The following CACNA1E variants were observed in gnomAD, a reference collection of about 807,000 sequenced individuals.
CACNA1E encodes calcium voltage-gated channel subunit alpha1 E.
Under a neutral mutation model 259.2 loss-of-function variants are expected in CACNA1E, and 40 were observed. That is an observed-to-expected ratio of 0.15 (90% confidence interval 0.12 to 0.20). The LOEUF (loss-of-function observed/expected upper bound fraction) is 0.20, where lower values mean the gene tolerates loss of function less well. CACNA1E is among the 10% of genes least tolerant of loss of function. The pLI, the probability that CACNA1E is intolerant of heterozygous loss-of-function variation, is 1.00. For synonymous variants in CACNA1E, 1,104 were observed against 1,138.5 expected (o/e 0.97, Z 0.61); for missense variants, 1,874 against 3,040.1 (o/e 0.62, Z 9.02).
chr1:181,490,738 C>T (rs1664243468), intron 1 of CACNA1E, among the ~76,000 whole-genome samples: 1 of 152,148 alleles, frequency 6.6e-6, no homozygotes, highest in Non-Finnish European at 1.5e-5. Flanking sequence ...CTGAGCTTTC[C>T]AAAGACTTGT....
In CACNA1E at chr1:181,544,387, A is replaced by G. The variant is rs558626851; in HGVS notation, c.512+32877A>G. On this transcript the variant is annotated intron_variant, in intron 3 of 47. Transcript: ENST00000367573. ...ATTAGATAGTGGTGATGGTTGCACA[A>G]TCCTGAATATACTAAAAAAAAAAAC... Among the ~76,000 whole-genome samples the G allele has an allele frequency of 3.1e-5, 4 of 130,088 alleles. No individual in the cohort carries two copies. In the East Asian group the frequency reaches 9.1e-4, roughly 30 times the overall value. 85.3% of individuals were successfully genotyped at this position (130,088 alleles called of 152,430 possible). A position where few individuals can be genotyped will look rare whatever the true frequency, so the allele number is the denominator to read the frequency against.
At chr1:181,392,339 C>A (rs963937562) in intron 1 of CACNA1E, among the ~76,000 whole-genome samples, 3 of 152,186 alleles carry the variant, frequency 2.0e-5, no homozygotes, top group Non-Finnish European at 4.4e-5. Context: ...GTTCAAACCT[C>A]ACCTCTTCCA....
chr1:181,368,780 T>C (rs1376378295), intron 1 of CACNA1E, among the ~76,000 whole-genome samples: 2 of 152,244 alleles, frequency 1.3e-5, no homozygotes, highest in African/African-American at 4.8e-5. Context: ...TTATTTATAC[T>C]GAATTTGTTT....
At chr1:181,478,806 G>A (rs569760212), upstream of CACNA1E, among the ~76,000 whole-genome samples, 22 of 152,324 alleles carry the variant, frequency 1.4e-4, no homozygotes, top group South Asian at 4.6e-3. Context: ...TAGGCCAACT[G>A]CTTCTCCAAC....
intron 32 of CACNA1E, among the ~76,000 whole-genome samples, chr1:181,760,655 T>C (rs1312550227): frequency 6.6e-6 from 1 of 152,228 alleles, no homozygotes; most frequent in Non-Finnish European, 1.5e-5. Flanking sequence ...CATAACAATA[T>C]ATTAAATAAG....
intron 1 of CACNA1E, among the ~76,000 whole-genome samples, chr1:181,407,131 A>G (rs544303717): frequency 6.6e-6 from 1 of 152,294 alleles, no homozygotes. Flanking sequence ...TTCAGAATGC[A>G]CCAGCCTGTT....
chr1:181,625,171 C>G (rs1656079529), intron 6 of CACNA1E, among the ~76,000 whole-genome samples: 1 of 150,080 alleles, frequency 6.7e-6, no homozygotes, highest in African/African-American at 2.5e-5. Flanking sequence ...AGAGCACAAG[C>G]AGAGTAGATT....
At chr1:181,583,657 T>G (rs567379359) in intron 6 of CACNA1E, among the ~76,000 whole-genome samples, 1 of 152,330 alleles carries the variant, frequency 6.6e-6, no homozygotes, top group East Asian at 1.9e-4. Flanking sequence ...CTGCCAATGA[T>G]TACTATTAAC....
intron 1 of CACNA1E, among the ~76,000 whole-genome samples, chr1:181,321,011 A>C (rs193087399): frequency 4.2e-3 from 634 of 152,324 alleles, no homozygotes; most frequent in Non-Finnish European, 6.8e-3. Context: ...CTTTGTGGAA[A>C]GGGAAGGGGA....
At position 181,709,968 on chromosome 1, in the gene CACNA1E, C is replaced by T. The variant is rs534338912; in HGVS notation, c.1056-986C>T. Among the ~76,000 whole-genome samples the T allele has an allele frequency of 1.8e-4, 27 of 152,312 alleles. No homozygotes were observed. The South Asian group carries it at 5.6e-3, about 32-fold the overall frequency. On this transcript the variant is annotated intron_variant, in intron 7 of 47. Coordinates refer to ENST00000367573, the MANE Select transcript of CACNA1E (RefSeq NM_001205293.3). ...GCTTCTGGAGGAACCTGTTAGCAAA[C>T]TGTGATTTATTTATCCCCATTCTTT...
At chr1:181,660,737 G>T (rs1340164419) in intron 7 of CACNA1E, among the ~76,000 whole-genome samples, 1 of 152,188 alleles carries the variant, frequency 6.6e-6, no homozygotes, top group Non-Finnish European at 1.5e-5. Flanking sequence ...TCTCTGAGGG[G>T]AGTTGGTGGG....
rs1225810989 is a variant in CACNA1E at position 181,369,306 on chromosome 1, T to C, written c.-14-43827T>C. On this transcript the variant is annotated intron_variant, in intron 1 of 11. Coordinates refer to the CACNA1E transcript ENST00000524607. ...TTACCTGGCTTGCTACCAAGTCTTT[T>C]TAATGGCCGCATCTTCGGGCTCTGT... 4.6e-5 allele frequency among the ~76,000 whole-genome samples: 7 copies of C among 152,350 alleles called. No homozygotes were observed. The East Asian group carries it at 9.6e-4, about 21-fold the overall frequency.
In CACNA1E at chr1:181,483,527, A is replaced by G; in HGVS notation, c.-218A>G. On this transcript the variant is annotated 5_prime_UTR_variant, in exon 1 of 48. Transcript: ENST00000367573. ...TTTTTTTTTTTTTTCCTTCTTGAGG[A>G]ATGGAGCTTCGCAGAGGTTGCATTT... The G allele has an allele frequency of 3.7e-6, 1 of 272,144 alleles. No individual in the cohort carries two copies. Among genetic ancestry groups the G allele is most frequent in the Non-Finnish European group, 6.7e-6 (1 of 149,260 alleles). The allele number at this position is 272,144 out of a possible 1,614,324, so 16.9% of individuals were successfully genotyped here. A position where few individuals can be genotyped will look rare whatever the true frequency, so the allele number is the denominator to read the frequency against.
intron 1 of CACNA1E, among the ~76,000 whole-genome samples, chr1:181,385,898 C>T (rs565001134): frequency 1.3e-5 from 2 of 151,056 alleles, no homozygotes; most frequent in African/African-American, 2.4e-5. Context: ...TCCCTTCCTT[C>T]ATTTATTTTA....
intron 1 of CACNA1E, among the ~76,000 whole-genome samples, chr1:181,503,814 T>C (rs965503420): frequency 1.2e-4 from 18 of 152,254 alleles, no homozygotes; most frequent in Non-Finnish European, 2.6e-4. Flanking sequence ...CATTGACTCT[T>C]GAGTACTGTG....
intron 6 of CACNA1E, among the ~76,000 whole-genome samples, chr1:181,617,034 T>A (rs550624648): frequency 1.1e-4 from 17 of 152,206 alleles, no homozygotes; most frequent in Non-Finnish European, 1.6e-4. Flanking sequence ...TCATTCCTGA[T>A]GGTGATAATC....
chr1:181,567,637 T>C (rs1649978623), intron 3 of CACNA1E, among the ~76,000 whole-genome samples: 1 of 152,220 alleles, frequency 6.6e-6, no homozygotes, highest in South Asian at 2.1e-4. Flanking sequence ...GATTCTCTTC[T>C]ACAATGCCAT....
intron 6 of CACNA1E, among the ~76,000 whole-genome samples, chr1:181,612,514 G>A (rs960349676): frequency 6.6e-6 from 1 of 152,162 alleles, no homozygotes; most frequent in Non-Finnish European, 1.5e-5. Context: ...GACATTGAGG[G>A]CTGGACTCTG....
At chr1:181,590,428 T>C (rs1048465028) in intron 6 of CACNA1E, among the ~76,000 whole-genome samples, 2 of 147,052 alleles carry the variant, frequency 1.4e-5, no homozygotes, top group Non-Finnish European at 3.0e-5. Context: ...TATATATATA[T>C]ATATATATTG....
Sources: allele counts gnomAD v4.1 joint callset (sites outside exome capture counted in the v4.1 genomes callset), GRCh38; gene constraint gnomAD v4.1.1; transcripts MANE v1.5; gene names NCBI Gene and HGNC (gene_info 2026-07-23, HGNC 2026-07-21).